Variants in STUM observed in about 807,000 individuals in gnomAD.
STUM encodes the protein protein stum homolog.
In STUM, 8 loss-of-function variants were observed where a neutral mutation model predicts 15.3. The ratio of observed to expected loss-of-function variants is 0.52; its 90% CI spans 0.31 to 0.94. STUM has a LOEUF of 0.94. STUM is among the 40% of genes least tolerant of loss of function. STUM has a pLI of 0.05. For missense variants in STUM, 142 were observed against 204.9 expected, an observed-to-expected ratio of 0.69 and a Z score of 1.87; for synonymous variants, 78 against 88.7, an observed-to-expected ratio of 0.88 and a Z score of 0.68.
At chr1:226,573,529 A>G (rs925973231) in intron 1 of STUM, among the ~76,000 whole-genome samples, 4 of 152,156 alleles carry the variant, frequency 2.6e-5, no homozygotes, top group African/African-American at 7.2e-5. Context: ...CCTGACTTCC[A>G]TTCCTCTATA....
Position 226,565,421 on chromosome 1 carries a change from G to C in STUM, c.202+16315G>C, listed in dbSNP as rs1667605877. Among the ~76,000 whole-genome samples, 1 of 152,162 alleles carries C rather than the reference G, an allele frequency of 6.6e-6. No homozygotes were observed. The highest frequency in any genetic ancestry group is 1.5e-5 in the Non-Finnish European group (1 of 68,034). On this transcript the variant is annotated intron_variant, in intron 1 of 3. Transcript: ENST00000366788. The surrounding 1 kb of genome is among the most constrained non-coding windows in gnomAD (Gnocchi z 4.4). ...ACCCCTGACTAGACTGTGGGGTCCT[G>C]AACCACCAGCCTTGGCATACTACTG...
At chr1:226,584,055 T>C (rs1667959303) in intron 1 of STUM, among the ~76,000 whole-genome samples, 1 of 152,132 alleles carries the variant, frequency 6.6e-6, no homozygotes, top group African/African-American at 2.4e-5. Context: ...GGTAGGGATT[T>C]AGATAGGACA....
At chr1:226,574,921 T>G (rs982545265) in intron 1 of STUM, among the ~76,000 whole-genome samples, 5 of 152,126 alleles carry the variant, frequency 3.3e-5, no homozygotes, top group African/African-American at 1.2e-4. Context: ...CCCCAACTCA[T>G]GGGGAACAAG....
rs754776037 is a variant in STUM, at chr1:226,602,066, CA to C, written c.*27del. The C allele has an allele frequency of 3.1e-6, 5 of 1,598,078 alleles. No homozygotes were observed. The highest frequency in any genetic ancestry group is 4.3e-6 in the Non-Finnish European group (5 of 1,175,152). ...GCCCACGGGAGCCGCTGGGGAGATC[CA>C]GGGGGGCCCTGTGAGGGCTGCACCA... On this transcript the variant is annotated 3_prime_UTR_variant, in exon 4 of 4. Transcript: ENST00000366788.
Position 226,602,077 on chromosome 1 carries a change from T to C in STUM, c.*37T>C, listed in dbSNP as rs376926159. On this transcript the variant is annotated 3_prime_UTR_variant, in exon 4 of 4. Coordinates refer to ENST00000366788, the MANE Select transcript of STUM (RefSeq NM_001003665.4). ...CCGCTGGGGAGATCCAGGGGGGCCC[T>C]GTGAGGGCTGCACCAGGCAGCTTTG... 17 of 1,574,788 alleles carry C rather than the reference T, an allele frequency of 1.1e-5. No homozygotes were observed. The highest frequency in any genetic ancestry group is 1.7e-6 in the Non-Finnish European group (2 of 1,155,950).
At chr1:226,560,236 T>A (rs1283648794) in intron 1 of STUM, among the ~76,000 whole-genome samples, 1 of 152,204 alleles carries the variant, frequency 6.6e-6, no homozygotes, top group Non-Finnish European at 1.5e-5. Flanking sequence ...AGCCCTGGCT[T>A]CCAACCTCAC....
intron 1 of STUM, among the ~76,000 whole-genome samples, chr1:226,561,394 T>C (rs1667541003): frequency 6.6e-6 from 1 of 152,162 alleles, no homozygotes; most frequent in East Asian, 1.9e-4. Context: ...TCCTGTCACT[T>C]CTTGGCCTTC....
intron 1 of STUM, among the ~76,000 whole-genome samples, chr1:226,575,508 C>G (rs776315493): frequency 6.6e-6 from 1 of 152,132 alleles, no homozygotes; most frequent in African/African-American, 2.4e-5. Context: ...TGGACTGGGC[C>G]GCGAGGCCTG....
At chr1:226,572,549 C>T (rs920137677) in intron 1 of STUM, among the ~76,000 whole-genome samples, 12 of 152,114 alleles carry the variant, frequency 7.9e-5, no homozygotes, top group African/African-American at 2.7e-4. Flanking sequence ...GAGGGGAGCA[C>T]GCTTTGTCTA....
intron 2 of STUM, chr1:226,597,450 C>A: frequency 2.1e-6 from 1 of 472,512 alleles, no homozygotes. Flanking sequence ...CAATAATTGA[C>A]CTCACCTCTC....
At chr1:226,557,405 C>T (rs1667463419) in intron 1 of STUM, among the ~76,000 whole-genome samples, 1 of 152,120 alleles carries the variant, frequency 6.6e-6, no homozygotes, top group Non-Finnish European at 1.5e-5. Context: ...AGGTTGATTC[C>T]ATAACTTAAC....
chr1:226,600,636 C>T lies in STUM; in HGVS notation c.383-30C>T, dbSNP rs560105165. On this transcript the variant is annotated intron_variant, in intron 2 of 3. Transcript: ENST00000366788. This position sits in a 1 kb window ranked among gnomAD's most constrained non-coding sequence, Gnocchi z 5.2. ...CTCTTCTTCTCTCTCTCCTCTTCCT[C>T]CTGCTGCCTCCCACTCTGTGCTGCT... 2 of 1,610,696 alleles carry T rather than the reference C, an allele frequency of 1.2e-6. No individual in the cohort carries two copies. Among genetic ancestry groups the T allele is most frequent in the African/African-American group, 2.7e-5 (2 of 75,046 alleles).
At chr1:226,587,958 A>G (rs1668023294) in intron 1 of STUM, among the ~76,000 whole-genome samples, 1 of 152,140 alleles carries the variant, frequency 6.6e-6, no homozygotes, top group African/African-American at 2.4e-5. Flanking sequence ...GGGCAGTGTG[A>G]CCTCACTATG....
At chr1:226,601,071 G>A (rs1057341671) in intron 3 of STUM, among the ~76,000 whole-genome samples, 3 of 152,214 alleles carry the variant, frequency 2.0e-5, no homozygotes, top group South Asian at 4.1e-4. Context: ...ATAACCGCTC[G>A]GCAAATTCTG....
intron 3 of STUM, among the ~76,000 whole-genome samples, chr1:226,601,399 TAAG>T (rs1450200746): frequency 6.6e-6 from 1 of 152,142 alleles, no homozygotes; most frequent in African/African-American, 2.4e-5. Flanking sequence ...GGTATCTTCT[TAAG>T]AAAACAAACA....
intron 1 of STUM, among the ~76,000 whole-genome samples, chr1:226,595,554 A>G (rs1668165086): frequency 6.6e-6 from 1 of 152,374 alleles, no homozygotes; most frequent in South Asian, 2.1e-4. Flanking sequence ...GTCCACATCC[A>G]TATCCCCAAA....
At position 226,602,938 on chromosome 1, in the gene STUM, C is replaced by T. The variant is rs1668295459; in HGVS notation, c.*898C>T. 6.6e-6 allele frequency: 1 copy of T among 152,222 alleles called. No homozygotes were observed. Among genetic ancestry groups the T allele is most frequent in the South Asian group, 2.1e-4 (1 of 4,824 alleles). 9.4% of individuals were successfully genotyped at this position (152,222 alleles called of 1,614,324 possible). A position where few individuals can be genotyped will look rare whatever the true frequency, so the allele number is the denominator to read the frequency against. ...AAGACAATGCGATCCATTTATCGTA[C>T]ACTTTCTAACTTCCCGGCAGAGTGT... On this transcript the variant is annotated 3_prime_UTR_variant, in exon 4 of 4. Coordinates refer to ENST00000366788, the MANE Select transcript of STUM (RefSeq NM_001003665.4).
intron 1 of STUM, among the ~76,000 whole-genome samples, chr1:226,585,110 G>A (rs185938196): frequency 1.9e-4 from 29 of 152,266 alleles, no homozygotes; most frequent in African/African-American, 5.8e-4. Context: ...TGCGGCATAG[G>A]GATGAGTGCC....
At chr1:226,593,286 C>T (rs1311372691) in intron 1 of STUM, among the ~76,000 whole-genome samples, 1 of 152,126 alleles carries the variant, frequency 6.6e-6, no homozygotes, top group Non-Finnish European at 1.5e-5. Context: ...GTGAGAGCTC[C>T]GTTTCCTGCA....
Sources: gnomAD v4.1 joint callset for allele counts (sites outside exome capture counted in the v4.1 genomes callset) on GRCh38, gnomAD v4.1.1 for gene constraint, Gnocchi (gnomAD v3.1) non-coding constraint, MANE v1.5 for transcripts, NCBI Gene and HGNC (gene_info 2026-07-23, HGNC 2026-07-21) for gene names.